The following KATNAL1 variants were observed in gnomAD, a reference collection of about 807,000 sequenced individuals.
The protein encoded by KATNAL1 is katanin p60 ATPase-containing subunit A-like 1.
In KATNAL1, 32 loss-of-function variants were observed where a neutral mutation model predicts 55.2. That is an observed-to-expected ratio of 0.58 (90% CI 0.44 to 0.78). The LOEUF (loss-of-function observed/expected upper bound fraction) is 0.78. KATNAL1 is among the 30% of genes least tolerant of loss of function. KATNAL1 has a pLI of 0.00. For synonymous variants in KATNAL1, 193 were observed against 193.6 expected (o/e 1.00, Z 0.02); for missense variants, 466 against 600.9 (o/e 0.78, Z 2.35).
chr13:30,222,412 C>T (rs655776), intron 9 of KATNAL1, among the ~76,000 whole-genome samples: 5 of 152,232 alleles, frequency 3.3e-5, no homozygotes, highest in South Asian at 2.1e-4. Flanking sequence ...CCCCCATAAT[C>T]GTGTGAGCCA....
intron 9 of KATNAL1, among the ~76,000 whole-genome samples, 165 bp downstream of exon 9, chr13:30,227,247 T>C (rs779710265): frequency 2.0e-5 from 3 of 152,224 alleles, no homozygotes; most frequent in Non-Finnish European, 4.4e-5. Context: ...CTCTGAAACA[T>C]AAGAAATTTC....
At chr13:30,224,697 T>C (rs933801325) in intron 9 of KATNAL1, among the ~76,000 whole-genome samples, 16 of 152,072 alleles carry the variant, frequency 1.1e-4, no homozygotes, top group Middle Eastern at 3.4e-3. Context: ...AAAGCAAAAA[T>C]TTGGTTATTT....
intron 1 of KATNAL1, among the ~76,000 whole-genome samples, chr13:30,298,053 CAT>C (rs774669401): frequency 6.6e-6 from 1 of 152,182 alleles, no homozygotes; most frequent in Non-Finnish European, 1.5e-5. Context: ...TAAATTGAGA[CAT>C]GTACATTTTT....
intron 9 of KATNAL1, among the ~76,000 whole-genome samples, chr13:30,218,066 C>T (rs1874466588): frequency 6.6e-6 from 1 of 151,898 alleles, no homozygotes; most frequent in Admixed American, 6.6e-5. Context: ...GGGAGTACCA[C>T]AGATAACAAC....
Position 30,278,822 on chromosome 13 carries a change from T to C in KATNAL1, c.323+1241A>G, listed in dbSNP as rs1057394739. Among the ~76,000 whole-genome samples the C allele has an allele frequency of 5.9e-5, 9 of 152,222 alleles. No individual in the cohort carries two copies. In the South Asian group the frequency reaches 1.7e-3, roughly 28 times the overall value. On this transcript the variant is annotated intron_variant, in intron 3 of 10. Coordinates refer to ENST00000380615, the MANE Select transcript of KATNAL1 (RefSeq NM_032116.5). ...TATTTTGGAACTTCCATGGTAACAC[T>C]GTATGACTCTTAAAACACTGCCTTT... is the stretch of plus-strand genomic sequence containing the variant.
At chr13:30,305,743 C>T (rs752273086) in intron 1 of KATNAL1, among the ~76,000 whole-genome samples, 1 of 152,254 alleles carries the variant, frequency 6.6e-6, no homozygotes, top group Non-Finnish European at 1.5e-5. Flanking sequence ...GCAACTTGCA[C>T]TTATCTCTAC....
chr13:30,296,512 C>T, intron 1 of KATNAL1: 1 of 731,732 alleles, frequency 1.4e-6, no homozygotes, highest in Non-Finnish European at 2.6e-6. Context: ...GAGTGCATTG[C>T]CTACTGGGGC....
chr13:30,305,181 T>C (rs202080), intron 1 of KATNAL1, among the ~76,000 whole-genome samples: 144,013 of 152,274 alleles, frequency 0.95, 68,168 homozygotes, highest in Admixed American at 0.96. Context: ...ATGACTGCCC[T>C]ATATCAAGAA....
rs201513671 is a variant in KATNAL1, at chr13:30,210,398, C to T, written c.1192G>A (p.Glu398Lys). 3.7e-6 allele frequency: 6 copies of T among 1,606,720 alleles called. No individual in the cohort carries two copies. The highest frequency in any genetic ancestry group is 2.3e-5 in the East Asian group (1 of 44,044). The change falls in exon 10 of 11, where the codon GAA becomes AAA. Residue 398 changes from glutamate to lysine, a missense_variant. Physicochemically the swap from Glu to Lys is moderately conservative, Grantham distance 56 (BLOSUM62 1). Around this residue, in one of 3 missense-constraint regions of KATNAL1, gnomAD observed 213 missense variants for 308.6 expected, o/e 0.69. Coordinates refer to ENST00000380615, the MANE Select transcript of KATNAL1 (RefSeq NM_032116.5). ...TCCAGTTGAATATCAGGATCTAATT[C>T]GACCTCACGAAGGTTGATCTTCAGA... ...ELLKINLREV[E>K]LDPDIQLEDI...
At chr13:30,247,479 C>T (rs1413801328) in intron 4 of KATNAL1, among the ~76,000 whole-genome samples, 2 of 152,150 alleles carry the variant, frequency 1.3e-5, no homozygotes, top group African/African-American at 2.4e-5. Context: ...CTGAGGATAT[C>T]GCAGTGAACC....
chr13:30,261,327 C>T (rs1489112466), intron 3 of KATNAL1, among the ~76,000 whole-genome samples: 4 of 151,262 alleles, frequency 2.6e-5, no homozygotes, highest in Admixed American at 6.6e-5. Context: ...GCAAAATAAC[C>T]AGCTAACATC....
At chr13:30,273,329 A>T (rs968916363) in intron 3 of KATNAL1, among the ~76,000 whole-genome samples, 6 of 152,054 alleles carry the variant, frequency 3.9e-5, no homozygotes, top group Admixed American at 3.9e-4. Context: ...CTACCATTTC[A>T]CCAAAACTGT....
intron 1 of KATNAL1, among the ~76,000 whole-genome samples, chr13:30,286,948 T>C (rs1336163214): frequency 6.6e-6 from 1 of 152,236 alleles, no homozygotes; most frequent in Non-Finnish European, 1.5e-5. Flanking sequence ...CAGAACTGCA[T>C]GGCCTATATC....
chr13:30,242,886 A>G (rs549917940), intron 4 of KATNAL1, among the ~76,000 whole-genome samples: 2 of 152,334 alleles, frequency 1.3e-5, no homozygotes, highest in Admixed American at 1.3e-4. Context: ...TAATTTGGTT[A>G]TGCCAGGAAA....
chr13:30,274,891 A>ACATACGCGCGCGCGCGCG (rs55740915), intron 3 of KATNAL1, among the ~76,000 whole-genome samples: 6 of 122,130 alleles, frequency 4.9e-5, no homozygotes, highest in Admixed American at 8.5e-5. Context: ...GCACACACAT[A>ACATACGCGCGCGCGCGCG]CGCGCGCGCG....
At chr13:30,245,177 C>G (rs1329967619) in intron 4 of KATNAL1, among the ~76,000 whole-genome samples, 3 of 152,156 alleles carry the variant, frequency 2.0e-5, no homozygotes, top group Non-Finnish European at 4.4e-5. Flanking sequence ...CAAACCGAAT[C>G]CAGCAGCACA....
At chr13:30,306,593 A>G (rs1883192236) in intron 1 of KATNAL1, 1 of 152,242 alleles carries the variant, frequency 6.6e-6, no homozygotes, top group Admixed American at 6.5e-5. Flanking sequence ...CTTAACCTTT[A>G]AACATTACTG....
At chr13:30,269,344 G>A (rs1469759760) in intron 3 of KATNAL1, among the ~76,000 whole-genome samples, 1 of 152,232 alleles carries the variant, frequency 6.6e-6, no homozygotes, top group Non-Finnish European at 1.5e-5. Flanking sequence ...TCGGCCTCCC[G>A]AGGTGCCGGG....
chr13:30,230,490 A>G lies in KATNAL1; in HGVS notation c.990T>C (p.Ser330=). 2.5e-6 allele frequency: 4 copies of G among 1,613,314 alleles called. No individual in the cohort carries two copies. The highest frequency in any genetic ancestry group is 3.4e-6 in the Non-Finnish European group (4 of 1,179,728). The change falls in exon 8 of 11, where the codon TCT becomes TCC. Residue 330 remains serine (S), a synonymous_variant. Transcript: ENST00000380615. ...DEHEASRRVK[S]ELLIQMDGVG... ...TACCATCCATCTGAATGAGCAGTTC[A>G]GACTTGACCCTGCGACTTGCCTCAT... is the stretch of plus-strand genomic sequence containing the variant.
Sources: gnomAD v4.1 joint callset for allele counts (sites outside exome capture counted in the v4.1 genomes callset) on GRCh38, gnomAD v4.1.1 for gene constraint, gnomAD v4.1.1 regional missense constraint, MANE v1.5 for transcripts, NCBI Gene and HGNC (gene_info 2026-07-23, HGNC 2026-07-21) for gene names.